Variants in CGNL1 observed in about 807,000 individuals in gnomAD.
CGNL1 encodes the protein cingulin-like protein 1.
CGNL1 carries 132 observed loss-of-function variants against 141.2 expected under a neutral mutation model. The ratio of observed to expected loss-of-function variants is 0.93; its 90% CI spans 0.81 to 1.08. The LOEUF (loss-of-function observed/expected upper bound fraction) is 1.08. Among genes scored for constraint, CGNL1 ranks in the 50% least tolerant of loss-of-function variants. The probability of loss-of-function intolerance (pLI) is 0.00; values close to 1 mark genes in which losing one functional copy is unlikely to be tolerated. For missense variants in CGNL1, 1,870 were observed against 1,588.6 expected (o/e 1.18, Z -3.01); for synonymous variants, 690 against 622.1 (o/e 1.11, Z -1.63).
rs1303589559 is a variant in CGNL1, at chr15:57,461,778, G to A, written c.2289G>A (p.Leu763=). Residue 763 remains leucine, a synonymous_variant, in exon 8 of 19, where the codon CTG becomes CTA. Coordinates refer to ENST00000281282, the MANE Select transcript of CGNL1 (RefSeq NM_032866.5). The part of the protein sequence containing the change: ...LRKRERELTA[L]KGALKEEVSS... ...AGCGAGAGCGTGAACTCACCGCCCT[G>A]AAGGGAGCCCTGAAAGAAGAGGTTT... 6.2e-7 allele frequency: 1 copy of A among 1,614,152 alleles called. No individual in the cohort carries two copies. The highest frequency in any genetic ancestry group is 1.7e-5 in the Admixed American group (1 of 60,026).
At chr15:57,494,959 G>A (rs988735913) in intron 8 of CGNL1, among the ~76,000 whole-genome samples, 1 of 152,154 alleles carries the variant, frequency 6.6e-6, no homozygotes, top group African/African-American at 2.4e-5. Context: ...CCTGTCTTAG[G>A]GATTTATCAC....
At chr15:57,423,683 C>T (rs1349819063) in intron 1 of CGNL1, among the ~76,000 whole-genome samples, 3 of 152,224 alleles carry the variant, frequency 2.0e-5, no homozygotes, top group Non-Finnish European at 2.9e-5. Context: ...CTTCTCTGGG[C>T]TTCTGGGATG....
intron 8 of CGNL1, among the ~76,000 whole-genome samples, chr15:57,492,159 AT>A (rs1252027824): frequency 6.6e-6 from 1 of 152,204 alleles, no homozygotes; most frequent in African/African-American, 2.4e-5. Context: ...CATACACTTG[AT>A]TTATCAACTA....
intron 11 of CGNL1, 79 bp from the exon 12 acceptor site, chr15:57,524,502 T>C: frequency 7.9e-7 from 1 of 1,266,950 alleles, no homozygotes; most frequent in Non-Finnish European, 1.1e-6. Context: ...AGAGGAGATG[T>C]GCTGTGTGTT....
At chr15:57,474,968 C>T (rs2063633077) in intron 8 of CGNL1, among the ~76,000 whole-genome samples, 1 of 152,180 alleles carries the variant, frequency 6.6e-6, no homozygotes. Flanking sequence ...TCACTGGGGG[C>T]CCCTGCCTCT....
At chr15:57,512,545 G>A (rs2030406133) in intron 8 of CGNL1, among the ~76,000 whole-genome samples, 1 of 152,090 alleles carries the variant, frequency 6.6e-6, no homozygotes, top group Non-Finnish European at 1.5e-5. Context: ...TACACACAAG[G>A]TCTCCTAGAG....
intron 14 of CGNL1, among the ~76,000 whole-genome samples, chr15:57,542,262 G>A (rs191229136): frequency 1.3e-5 from 2 of 152,232 alleles, no homozygotes; most frequent in Non-Finnish European, 2.9e-5. Flanking sequence ...CCAGGCCCTG[G>A]TGTCTGGGGC....
chr15:57,545,461 T>A, intron 16 of CGNL1, 131 bp from the exon 17 acceptor site: 1 of 677,966 alleles, frequency 1.5e-6, no homozygotes, highest in South Asian at 1.9e-5. Flanking sequence ...TGTGAAGTTG[T>A]GTTTCCCTGA....
At chr15:57,464,555 C>T (rs1387649751) in intron 8 of CGNL1, among the ~76,000 whole-genome samples, 1 of 151,912 alleles carries the variant, frequency 6.6e-6, no homozygotes, top group Non-Finnish European at 1.5e-5. Flanking sequence ...GTTTTCAGTC[C>T]CTGCCATGTA....
At chr15:57,431,456 G>A (rs1279674096) in intron 1 of CGNL1, among the ~76,000 whole-genome samples, 2 of 152,168 alleles carry the variant, frequency 1.3e-5, no homozygotes, top group African/African-American at 4.8e-5. Flanking sequence ...TCATGTTAGG[G>A]AATACATTGA....
intron 1 of CGNL1, among the ~76,000 whole-genome samples, chr15:57,428,528 C>T (rs2063005708): frequency 6.6e-6 from 1 of 152,232 alleles, no homozygotes; most frequent in Non-Finnish European, 1.5e-5. Context: ...AATGTGGTTG[C>T]TGGGACAAAA....
At chr15:57,497,213 G>A (rs939116549) in intron 8 of CGNL1, among the ~76,000 whole-genome samples, 3 of 152,200 alleles carry the variant, frequency 2.0e-5, no homozygotes, top group East Asian at 1.9e-4. Context: ...CAGTGACAGC[G>A]TTGGTCCAAC....
chr15:57,384,914 G>T (rs949562020), intron 1 of CGNL1, among the ~76,000 whole-genome samples: 2 of 152,206 alleles, frequency 1.3e-5, no homozygotes, highest in African/African-American at 2.4e-5. Context: ...GTGAGAGTGT[G>T]TGGGGAGTGT....
intron 8 of CGNL1, among the ~76,000 whole-genome samples, chr15:57,479,189 C>G (rs12440928): frequency 6.6e-6 from 1 of 152,048 alleles, no homozygotes; most frequent in African/African-American, 2.4e-5. Flanking sequence ...AACAAATACA[C>G]GCTCTGTAAA....
intron 1 of CGNL1, among the ~76,000 whole-genome samples, chr15:57,396,613 G>A (rs1334695279): frequency 3.9e-5 from 6 of 152,098 alleles, no homozygotes; most frequent in South Asian, 2.1e-4. Flanking sequence ...ATACGTATAC[G>A]GCTCTTTGAG....
At chr15:57,511,142 A>G (rs1369376358) in intron 8 of CGNL1, among the ~76,000 whole-genome samples, 4 of 152,232 alleles carry the variant, frequency 2.6e-5, no homozygotes, top group African/African-American at 7.2e-5. Flanking sequence ...AGGGTTTGCA[A>G]TTGAAAACTT....
Position 57,434,119 on chromosome 15 carries a change from T to G in CGNL1, c.-15-3866T>G, listed in dbSNP as rs529251459. On this transcript the variant is annotated intron_variant, in intron 1 of 18. Transcript: ENST00000281282. ...AAGAACAACCTTGCAGAAGATGGTGTTGTTGCAGAAAGCAGAGAAAACGTG... is the reference window on the plus strand; with the variant it reads ...AAGAACAACCTTGCAGAAGATGGTGGTGTTGCAGAAAGCAGAGAAAACGTG... 4.6e-5 allele frequency among the ~76,000 whole-genome samples: 7 copies of G among 152,264 alleles called. No homozygotes were observed. The South Asian group carries it at 1.2e-3, about 27-fold the overall frequency.
intron 6 of CGNL1, among the ~76,000 whole-genome samples, chr15:57,452,565 G>A (rs1271610859): frequency 6.6e-6 from 1 of 152,204 alleles, no homozygotes; most frequent in Non-Finnish European, 1.5e-5. Context: ...AGGTAAGTGG[G>A]AAGCAGGGAG....
chr15:57,492,667 C>T (rs1016248675), intron 8 of CGNL1, among the ~76,000 whole-genome samples: 29 of 149,256 alleles, frequency 1.9e-4, no homozygotes, highest in Non-Finnish European at 1.2e-4. Flanking sequence ...AAAGGAAACA[C>T]GATCAACTTC....
Sources: gnomAD v4.1 joint callset for allele counts (sites outside exome capture counted in the v4.1 genomes callset) on GRCh38, gnomAD v4.1.1 for gene constraint, MANE v1.5 for transcripts, NCBI Gene and HGNC (gene_info 2026-07-23, HGNC 2026-07-21) for gene names.